SUPV3L1: variants seen among roughly 807,000 people sequenced by gnomAD.
SUPV3L1 encodes the protein Suv3 like RNA helicase.
In SUPV3L1, 35 loss-of-function variants were observed where a neutral mutation model predicts 70.0. The observed-to-expected ratio is 0.50, with a 90% CI of 0.38 to 0.66. SUPV3L1 has a LOEUF of 0.66. Among genes scored for constraint, SUPV3L1 ranks in the 30% least tolerant of loss-of-function variants. The pLI is 0.00. For synonymous variants in SUPV3L1, 364 were observed against 341.9 expected (o/e 1.06, Z -0.71); for missense variants, 777 against 961.5 (o/e 0.81, Z 2.54).
intron 11 of SUPV3L1, among the ~76,000 whole-genome samples, chr10:69,201,487 G>T (rs1271559346): frequency 6.7e-6 from 1 of 150,166 alleles, no homozygotes; most frequent in Non-Finnish European, 1.5e-5. Context: ...TCAATGAGGA[G>T]AAATGAGACA....
At chr10:69,199,922 G>A (rs916210714) in intron 10 of SUPV3L1, among the ~76,000 whole-genome samples, 4 of 152,096 alleles carry the variant, frequency 2.6e-5, no homozygotes, top group African/African-American at 7.2e-5. Context: ...ATGGCTCACC[G>A]CAGCTTCAAA....
At position 69,180,405 on chromosome 10, in the gene SUPV3L1, T is replaced by G. The variant is rs1842016354; in HGVS notation, c.114T>G (p.Val38=). 6.2e-7 allele frequency: 1 copy of G among 1,614,130 alleles called. No homozygotes were observed. Among genetic ancestry groups the G allele is most frequent in the Non-Finnish European group, 8.5e-7 (1 of 1,180,056 alleles). Residue 38 remains valine (V), a synonymous_variant, in exon 1 of 15, where the codon GTT becomes GTG. Transcript: ENST00000359655. The part of the protein sequence containing the change: ...LRPHFGPFPG[V]LGQVSVLATA... Reference sequence around the variant, plus strand: ...CCCACTTTGGGCCCTTTCCCGGGGTTCTGGGGCAAGTTTCTGTCCTTGCCA... The same window carrying G: ...CCCACTTTGGGCCCTTTCCCGGGGTGCTGGGGCAAGTTTCTGTCCTTGCCA...
chr10:69,207,715 C>CTT, intron 13 of SUPV3L1, 78 bp from the exon 14 acceptor site: 1 of 1,482,672 alleles, frequency 6.7e-7, no homozygotes, highest in Non-Finnish European at 9.0e-7. Flanking sequence ...GTTTTGCTTT[C>CTT]TTTTTTTTCT....
intron 6 of SUPV3L1, chr10:69,193,303 A>G (rs1012877037): frequency 1.3e-5 from 2 of 152,196 alleles, no homozygotes; most frequent in East Asian, 1.9e-4. Context: ...TTTCATTTTA[A>G]TAATCAACTT....
intron 3 of SUPV3L1, among the ~76,000 whole-genome samples, chr10:69,187,275 C>T (rs1589378101): frequency 6.8e-6 from 1 of 148,142 alleles, no homozygotes; most frequent in Non-Finnish European, 1.5e-5. Flanking sequence ...TAAGACAAAA[C>T]AGGATCCCAG....
In SUPV3L1 at chr10:69,208,462, T is replaced by G. The variant is rs1842893640; in HGVS notation, c.1926-138T>G. ...CGATATGTGGGGGCAGAAATCAAGG[T>G]TGAGCAAAGGCACTGAAGAGAGTTT... On this transcript the variant is annotated intron_variant, in intron 14 of 14. Coordinates refer to ENST00000359655, the MANE Select transcript of SUPV3L1 (RefSeq NM_003171.5). 5.3e-6 allele frequency: 5 copies of G among 944,116 alleles called. No homozygotes were observed. The East Asian group carries it at 1.3e-4, about 24-fold the overall frequency. The allele number at this position is 944,116 out of a possible 1,614,324, so 58.5% of individuals were successfully genotyped here.
At chr10:69,203,570 A>G (rs1320491978) in intron 13 of SUPV3L1, among the ~76,000 whole-genome samples, 1 of 149,506 alleles carries the variant, frequency 6.7e-6, no homozygotes, top group Non-Finnish European at 1.5e-5. Context: ...AGGCTGAGGC[A>G]GGAGAATCAC....
At chr10:69,181,302 T>G (rs948347031) in intron 1 of SUPV3L1, among the ~76,000 whole-genome samples, 3 of 152,146 alleles carry the variant, frequency 2.0e-5, no homozygotes, top group African/African-American at 7.2e-5. Context: ...TCTGACCATA[T>G]GAAACTGGGA....
chr10:69,191,516 C>G, intron 5 of SUPV3L1, 139 bp from the exon 6 acceptor site: 1 of 654,450 alleles, frequency 1.5e-6, no homozygotes, highest in Non-Finnish European at 2.6e-6. Context: ...CATGAGCCAC[C>G]GTGTCTGGCC....
intron 13 of SUPV3L1, among the ~76,000 whole-genome samples, chr10:69,207,042 TAGAG>T (rs1338589046): frequency 6.6e-6 from 1 of 152,140 alleles, no homozygotes; most frequent in African/African-American, 2.4e-5. Flanking sequence ...ATTAACAAGA[TAGAG>T]AAACTTAAGC....
At chr10:69,203,086 A>T in intron 13 of SUPV3L1, 43 bp downstream of exon 13, 6 of 1,554,428 alleles carry the variant, frequency 3.9e-6, no homozygotes, top group Non-Finnish European at 5.2e-6. Context: ...CTTCTGGTTG[A>T]TGCAGGTTCC....
chr10:69,187,100 G>A (rs1214270421), intron 3 of SUPV3L1, among the ~76,000 whole-genome samples: 1 of 152,060 alleles, frequency 6.6e-6, no homozygotes, highest in African/African-American at 2.4e-5. Context: ...TGTGGTTTTC[G>A]AAGTTTAAAA....
intron 3 of SUPV3L1, chr10:69,187,365 T>TTTTTTTTTA (rs1235816061): frequency 2.6e-5 from 4 of 153,784 alleles, no homozygotes; most frequent in Non-Finnish European, 5.4e-5. Context: ...TTTTTTTTTT[T>TTTTTTTTTA]TGTGACACGG....
intron 13 of SUPV3L1, among the ~76,000 whole-genome samples, chr10:69,203,782 A>G (rs773266442): frequency 5.9e-5 from 9 of 151,820 alleles, no homozygotes; most frequent in African/African-American, 9.7e-5. Context: ...CTGGAGTGCA[A>G]TGGTGCAATC....
intron 13 of SUPV3L1, among the ~76,000 whole-genome samples, chr10:69,206,010 CTGGATGGA>C (rs57176107): frequency 5.3e-5 from 8 of 150,926 alleles, no homozygotes; most frequent in Non-Finnish European, 5.9e-5. Context: ...GGGCCAGCTG[CTGGATGGA>C]TGGATGGATG....
At chr10:69,187,485 TG>T in intron 3 of SUPV3L1, 156 bp from the exon 4 acceptor site, 1 of 499,230 alleles carries the variant, frequency 2.0e-6, no homozygotes, top group Non-Finnish European at 3.5e-6. Flanking sequence ...TCCAAAGTGG[TG>T]GGATTGTTGA....
At chr10:69,191,564 T>G (rs1233523850) in intron 5 of SUPV3L1, 91 bp from the exon 6 acceptor site, 7 of 1,028,380 alleles carry the variant, frequency 6.8e-6, no homozygotes, top group Non-Finnish European at 1.0e-5. Flanking sequence ...ACAAACTAAT[T>G]TGGTGGTAGT....
At position 69,187,715 on chromosome 10, in the gene SUPV3L1, T is replaced by A; in HGVS notation, c.531T>A (p.Asp177Glu). Residue 177 changes from aspartate (D) to glutamate (E), a missense_variant, in exon 4 of 15, where the codon GAT becomes GAA. Asp to Glu is a conservative substitution (Grantham distance 45, BLOSUM62 2). This residue lies in a region of SUPV3L1 where 619 missense variants were observed against 823.3 expected (regional missense o/e 0.75). Coordinates refer to ENST00000359655, the MANE Select transcript of SUPV3L1 (RefSeq NM_003171.5). ...TATTTCCTGTGTTGGACTGTAAGGA[T>A]GATCTACGTAAAATCAGTGACTTAA... ...KQIFPVLDCK[D>E]DLRKISDLRI... 6.2e-7 allele frequency: 1 copy of A among 1,612,796 alleles called. No individual in the cohort carries two copies.
chr10:69,191,622 T>G (rs749031106), intron 5 of SUPV3L1, 33 bp from the exon 6 acceptor site: 3 of 1,565,192 alleles, frequency 1.9e-6, no homozygotes, highest in Non-Finnish European at 2.6e-6. Context: ...TGCATTATTT[T>G]CAATAATTCT....
Sources: gnomAD v4.1 joint callset for allele counts (sites outside exome capture counted in the v4.1 genomes callset) on GRCh38, gnomAD v4.1.1 for gene constraint, gnomAD v4.1.1 regional missense constraint, MANE v1.5 for transcripts, NCBI Gene and HGNC (gene_info 2026-07-23, HGNC 2026-07-21) for gene names.